The following LRP1B variants were observed in gnomAD, a reference collection of about 807,000 sequenced individuals.
The protein encoded by LRP1B is LDL receptor related protein 1B, also known as low-density lipoprotein receptor-related protein 1B.
Under a neutral mutation model 556.6 loss-of-function variants are expected in LRP1B, and 217 were observed. The observed-to-expected ratio is 0.39, with a 90% confidence interval of 0.35 to 0.44. The LOEUF (loss-of-function observed/expected upper bound fraction) is 0.44, where lower values mean the gene tolerates loss of function less well. Ranked by LOEUF, LRP1B falls within the 20% of genes least tolerant of loss-of-function variation. The pLI, the probability that LRP1B is intolerant of heterozygous loss-of-function variation, is 1.00. For missense variants in LRP1B, 5,053 were observed against 5,620.8 expected, an observed-to-expected ratio of 0.90 and a Z score of 3.23; for synonymous variants, 2,047 against 1,865.8, an observed-to-expected ratio of 1.10 and a Z score of -2.50.
intron 1 of LRP1B, among the ~76,000 whole-genome samples, chr2:141,932,527 T>G (rs1700535632): frequency 1.3e-5 from 2 of 152,050 alleles, no homozygotes; most frequent in Admixed American, 1.3e-4. Context: ...GACTCATACA[T>G]AAAATATTTC....
chr2:141,830,358 C>G (rs776413804), intron 1 of LRP1B, among the ~76,000 whole-genome samples: 1 of 151,706 alleles, frequency 6.6e-6, no homozygotes, highest in Non-Finnish European at 1.5e-5. Context: ...ATTTACTATA[C>G]GAAGCAATTT....
At chr2:141,100,616 T>A (rs978000155) in intron 7 of LRP1B, among the ~76,000 whole-genome samples, 17 of 152,170 alleles carry the variant, frequency 1.1e-4, no homozygotes, top group African/African-American at 3.9e-4. Flanking sequence ...GAATCACTTA[T>A]AAGATGTGGG....
intron 57 of LRP1B, among the ~76,000 whole-genome samples, chr2:140,488,449 C>T (rs1012088464): frequency 6.6e-6 from 1 of 152,014 alleles, no homozygotes; most frequent in South Asian, 2.1e-4. Flanking sequence ...TTTTAGCAGG[C>T]AGCAAAACAG....
intron 1 of LRP1B, among the ~76,000 whole-genome samples, chr2:142,086,857 T>G (rs999463694): frequency 2.0e-5 from 3 of 152,172 alleles, no homozygotes; most frequent in Admixed American, 6.5e-5. Context: ...GGTAAGAAAA[T>G]TAAAAATCTC....
chr2:141,528,535 A>T (rs1406011106), intron 2 of LRP1B, among the ~76,000 whole-genome samples: 3 of 152,160 alleles, frequency 2.0e-5, no homozygotes, highest in Admixed American at 6.6e-5. Context: ...ACATAAACCC[A>T]CCCATTTCAA....
chr2:140,331,650 C>T (rs893847527), intron 79 of LRP1B, among the ~76,000 whole-genome samples: 25 of 148,728 alleles, frequency 1.7e-4, no homozygotes, highest in South Asian at 4.2e-4. Context: ...TTTCATATAT[C>T]TGGCATTTTT....
At position 140,939,815 on chromosome 2, in the gene LRP1B, A is replaced by G. The variant is rs145796274; in HGVS notation, c.3136+10420T>C. On this transcript the variant is annotated intron_variant, in intron 20 of 90. Coordinates refer to ENST00000389484, the MANE Select transcript of LRP1B (RefSeq NM_018557.3). ...TTACTTTTAGTTGCAATTAGAAAAT[A>G]CAGGTAAAATTTTTTTTAGGAAAAA... Among the ~76,000 whole-genome samples, 145 of 151,848 alleles carry G rather than the reference A, an allele frequency of 9.5e-4. 1 individual carries two copies. The highest frequency in any genetic ancestry group is 3.4e-3 in the African/African-American group (142 of 41,508).
At chr2:140,749,080 A>AGT (rs771027150) in intron 35 of LRP1B, among the ~76,000 whole-genome samples, 2 of 151,876 alleles carry the variant, frequency 1.3e-5, no homozygotes, top group Middle Eastern at 3.4e-3. Flanking sequence ...CACACTGGTA[A>AGT]GTGTGTGTGT....
At chr2:141,875,306 C>T (rs1450289821) in intron 1 of LRP1B, among the ~76,000 whole-genome samples, 1 of 151,792 alleles carries the variant, frequency 6.6e-6, no homozygotes, top group African/African-American at 2.4e-5. Context: ...GTTATCAGGC[C>T]ACACACAGCC....
intron 59 of LRP1B, among the ~76,000 whole-genome samples, chr2:140,478,997 T>C (rs1446683681): frequency 6.6e-6 from 1 of 152,040 alleles, no homozygotes; most frequent in Non-Finnish European, 1.5e-5. Flanking sequence ...TTTGCCTTGA[T>C]TTTATGTAAG....
Position 140,497,653 on chromosome 2 carries a change from T to C in LRP1B, c.8851-1905A>G, listed in dbSNP as rs140223810. Among the ~76,000 whole-genome samples the C allele has an allele frequency of 1.6e-3, 236 of 151,960 alleles. 1 individual carries two copies. The highest frequency in any genetic ancestry group is 5.4e-3 in the African/African-American group (225 of 41,516). On this transcript the variant is annotated intron_variant, in intron 55 of 90. Transcript: ENST00000389484. The stretch of plus-strand genomic sequence containing the variant: ...AGCAGTGTTGAATCAAGAGTCACTT[T>C]AGGACAAATGAAAGGAAATTTTATA...
At chr2:140,583,981 C>T (rs534207315) in intron 43 of LRP1B, among the ~76,000 whole-genome samples, 2 of 152,196 alleles carry the variant, frequency 1.3e-5, no homozygotes, top group South Asian at 2.1e-4. Context: ...TAGCTGTAGT[C>T]ATACAATACC....
chr2:141,237,816 T>C (rs1683701289), intron 5 of LRP1B, among the ~76,000 whole-genome samples: 1 of 152,128 alleles, frequency 6.6e-6, no homozygotes, highest in Admixed American at 6.6e-5. Flanking sequence ...TTTCCCTGTT[T>C]TGCAGAGAGC....
At chr2:141,183,504 T>G (rs1011469818) in intron 7 of LRP1B, among the ~76,000 whole-genome samples, 2 of 152,042 alleles carry the variant, frequency 1.3e-5, no homozygotes, top group Non-Finnish European at 2.9e-5. Context: ...TGAATTTAAC[T>G]TGAGATGAGC....
At chr2:140,701,913 C>A (rs2105427126) in intron 39 of LRP1B, 68 bp from the exon 40 acceptor site, 2 of 1,583,510 alleles carry the variant, frequency 1.3e-6, no homozygotes, top group Non-Finnish European at 8.6e-7. Context: ...GTTACTTAAG[C>A]TGAAGATAAC....
At chr2:140,706,488 T>G (rs1010085913) in intron 37 of LRP1B, among the ~76,000 whole-genome samples, 1 of 151,844 alleles carries the variant, frequency 6.6e-6, no homozygotes, top group Non-Finnish European at 1.5e-5. Flanking sequence ...ACTTATAAAT[T>G]TAAAAACATA....
At chr2:141,675,952 G>A (rs148531436) in intron 2 of LRP1B, among the ~76,000 whole-genome samples, 121 of 151,996 alleles carry the variant, frequency 8.0e-4, no homozygotes, top group African/African-American at 2.9e-3. Flanking sequence ...AAAAGATAAA[G>A]TTAGCAAGAT....
chr2:140,421,844 T>C (rs1685458455), intron 66 of LRP1B, among the ~76,000 whole-genome samples: 1 of 152,220 alleles, frequency 6.6e-6, no homozygotes, highest in African/African-American at 2.4e-5. Flanking sequence ...GCTCTGCTTC[T>C]AGTAACTCTT....
chr2:141,979,056 A>G (rs1353141348), intron 1 of LRP1B, among the ~76,000 whole-genome samples: 1 of 152,034 alleles, frequency 6.6e-6, no homozygotes, highest in Admixed American at 6.6e-5. Flanking sequence ...AAGGCCTAAG[A>G]GAGTCATATA....
Sources: gnomAD v4.1 joint callset for allele counts (sites outside exome capture counted in the v4.1 genomes callset) on GRCh38, gnomAD v4.1.1 for gene constraint, MANE v1.5 for transcripts, NCBI Gene and HGNC (gene_info 2026-07-23, HGNC 2026-07-21) for gene names.